The following ACVR1 variants were observed in gnomAD, a reference collection of about 807,000 sequenced individuals.
ACVR1 encodes the protein activin receptor type-1.
In ACVR1, 38 loss-of-function variants were observed where a neutral mutation model predicts 57.1. The observed-to-expected ratio is 0.67, with a 90% confidence interval of 0.51 to 0.87. The LOEUF is 0.87. ACVR1 is among the 40% of genes least tolerant of loss of function. The pLI, the probability that ACVR1 is intolerant of heterozygous loss-of-function variation, is 0.00. For synonymous variants in ACVR1, 212 were observed against 228.1 expected (o/e 0.93, Z 0.63); for missense variants, 463 against 638.2 (o/e 0.73, Z 2.96).
chr2:157,788,571 G>A (rs1686797080), intron 3 of ACVR1, among the ~76,000 whole-genome samples: 1 of 152,106 alleles, frequency 6.6e-6, no homozygotes, highest in Admixed American at 6.5e-5. Flanking sequence ...CCAGCCTATT[G>A]TTATAATTGT....
chr2:157,851,424 A>C (rs1423981453), intron 1 of ACVR1, among the ~76,000 whole-genome samples: 1 of 152,090 alleles, frequency 6.6e-6, no homozygotes, highest in African/African-American at 2.4e-5. Context: ...CAGCTCTAGA[A>C]ACCAATTTTT....
chr2:157,807,638 T>C (rs67748232), intron 2 of ACVR1, among the ~76,000 whole-genome samples: 1,774 of 152,084 alleles, frequency 0.012, 18 homozygotes, highest in African/African-American at 0.018. Context: ...TATGTAATTC[T>C]GAAGTTCATT....
intron 9 of ACVR1, among the ~76,000 whole-genome samples, chr2:157,742,430 A>G (rs79572037): frequency 0.017 from 2,597 of 152,296 alleles, 67 homozygotes; most frequent in African/African-American, 0.056. Context: ...CCTCCCATGT[A>G]AGGCGGCCAG....
intron 1 of ACVR1, among the ~76,000 whole-genome samples, chr2:157,848,797 G>A (rs1167008688): frequency 6.6e-6 from 1 of 152,154 alleles, no homozygotes; most frequent in Non-Finnish European, 1.5e-5. Context: ...GTGAGCAGTT[G>A]ATGGTTGAAA....
At chr2:157,821,947 C>G (rs1688175388) in intron 1 of ACVR1, among the ~76,000 whole-genome samples, 1 of 152,104 alleles carries the variant, frequency 6.6e-6, no homozygotes, top group South Asian at 2.1e-4. Context: ...AAGCTCTTGG[C>G]AGTCCACACA....
At chr2:157,752,908 C>T (rs890586042) in intron 9 of ACVR1, among the ~76,000 whole-genome samples, 1 of 152,036 alleles carries the variant, frequency 6.6e-6, no homozygotes, top group African/African-American at 2.4e-5. Flanking sequence ...TTTGAAAAAA[C>T]CAAGGTATTC....
rs1377731697 is a variant in ACVR1 at position 157,770,417 on chromosome 2, C to CCTGAA, written c.736_740dup (p.Arg247SerfsTer11). ...TCACAGTGTTGTACAATTCCGTTTCCCTGAACCATGACTTCTCATCACGGG... is the reference window on the plus strand; with the variant it reads ...TCACAGTGTTGTACAATTCCGTTTCCCTGAACTGAACCATGACTTCTCATCACGGG... On this transcript the variant is annotated frameshift_variant, in exon 7 of 11. Coordinates refer to ENST00000434821, the MANE Select transcript of ACVR1 (RefSeq NM_001111067.4). LOFTEE classifies it high-confidence loss of function. 1 of 1,614,060 alleles carries CCTGAA rather than the reference C, an allele frequency of 6.2e-7. No homozygotes were observed. The highest frequency in any genetic ancestry group is 8.5e-7 in the Non-Finnish European group (1 of 1,179,968).
chr2:157,760,383 G>A (rs1685597352), intron 9 of ACVR1, among the ~76,000 whole-genome samples: 1 of 152,086 alleles, frequency 6.6e-6, no homozygotes, highest in Admixed American at 6.6e-5. Flanking sequence ...AGGTTCTAAT[G>A]TTCAATAGCA....
intron 2 of ACVR1, 122 bp from the exon 3 acceptor site, chr2:157,799,622 T>C: frequency 4.1e-6 from 3 of 728,266 alleles, no homozygotes; most frequent in South Asian, 1.5e-5. Context: ...CTCAGATATA[T>C]TGCCTTACTT....
At chr2:157,815,049 A>G (rs1159145916) in intron 2 of ACVR1, among the ~76,000 whole-genome samples, 1 of 152,208 alleles carries the variant, frequency 6.6e-6, no homozygotes, top group African/African-American at 2.4e-5. Context: ...AGATGGCGCC[A>G]CTGCACTCCA....
chr2:157,757,006 G>GAT (rs1164003611), intron 9 of ACVR1, among the ~76,000 whole-genome samples: 2 of 129,584 alleles, frequency 1.5e-5, no homozygotes, highest in Non-Finnish European at 3.1e-5. Context: ...ATATATTTGA[G>GAT]ATATATATAT....
rs761891914 is a variant in ACVR1, at chr2:157,736,924, G to A, written c.*607C>T. The A allele has an allele frequency of 6.4e-6, 2 of 311,130 alleles. No homozygotes were observed. Among genetic ancestry groups the A allele is most frequent in the African/African-American group, 2.1e-5 (1 of 46,960 alleles). The allele number at this position is 311,130 out of a possible 1,614,324, so 19.3% of individuals were successfully genotyped here. ...TGTGTATAAACAATTCCTAATGTTC[G>A]GCATCATTGTAAACATCAGCACATG... is the stretch of plus-strand genomic sequence containing the variant. On this transcript the variant is annotated 3_prime_UTR_variant, in exon 11 of 11. Coordinates refer to ENST00000434821, the MANE Select transcript of ACVR1 (RefSeq NM_001111067.4).
At chr2:157,830,681 G>A (rs528629949) in intron 1 of ACVR1, among the ~76,000 whole-genome samples, 3 of 150,826 alleles carry the variant, frequency 2.0e-5, no homozygotes, top group African/African-American at 4.9e-5. Context: ...TAATATTACT[G>A]GAAACTAAAT....
chr2:157,871,609 T>C (rs1341324811), intron 1 of ACVR1, among the ~76,000 whole-genome samples: 1 of 152,208 alleles, frequency 6.6e-6, no homozygotes, highest in Non-Finnish European at 1.5e-5. Flanking sequence ...AGTGGAATGT[T>C]GGTCAGAGAG....
At position 157,772,411 on chromosome 2, in the gene ACVR1, C is replaced by G. The variant is rs111466636; in HGVS notation, c.643+1677G>C. 6.2e-3 allele frequency among the ~76,000 whole-genome samples: 943 copies of G among 152,264 alleles called. 8 individuals are homozygous for G. The highest frequency in any genetic ancestry group is 0.01 in the Non-Finnish European group (695 of 68,016). On this transcript the variant is annotated intron_variant, in intron 6 of 10. Transcript: ENST00000434821. ...CATATATTTTTACTAAAAGCTGTAC[C>G]ACATGAACACACTAACTACAAGCTA...
At chr2:157,774,003 G>T in intron 6 of ACVR1, 85 bp downstream of exon 6, 1 of 1,171,882 alleles carries the variant, frequency 8.5e-7, no homozygotes, top group Non-Finnish European at 1.3e-6. Flanking sequence ...GTAACAAAAA[G>T]CAGATTTTCC....
At chr2:157,787,102 A>T (rs1686741594) in intron 3 of ACVR1, among the ~76,000 whole-genome samples, 1 of 152,126 alleles carries the variant, frequency 6.6e-6, no homozygotes, top group Non-Finnish European at 1.5e-5. Flanking sequence ...TAATCCCTGT[A>T]AATTAAGCCT....
intron 3 of ACVR1, among the ~76,000 whole-genome samples, chr2:157,781,128 T>C (rs1296478460): frequency 6.6e-6 from 1 of 152,218 alleles, no homozygotes; most frequent in African/African-American, 2.4e-5. Context: ...AGAAATATAC[T>C]ACAAACTGAG....
At chr2:157,829,190 G>A (rs2105342337) in intron 1 of ACVR1, among the ~76,000 whole-genome samples, 1 of 152,314 alleles carries the variant, frequency 6.6e-6, no homozygotes, top group South Asian at 2.1e-4. Flanking sequence ...AGTCTCTCAA[G>A]GGAGCAAAAG....
Sources: gnomAD v4.1 joint callset for allele counts (sites outside exome capture counted in the v4.1 genomes callset) on GRCh38, gnomAD v4.1.1 for gene constraint, MANE v1.5 for transcripts, NCBI Gene and HGNC (gene_info 2026-07-23, HGNC 2026-07-21) for gene names.